HYDIN: variants seen among roughly 807,000 people sequenced by gnomAD.
HYDIN encodes the protein axonemal central pair apparatus protein HYDIN.
HYDIN carries 132 observed loss-of-function variants against 403.9 expected under a neutral mutation model. The ratio of observed to expected loss-of-function variants is 0.33; its 90% CI spans 0.28 to 0.38. The LOEUF is 0.38. Ranked by LOEUF, HYDIN falls within the 10% of genes least tolerant of loss-of-function variation. HYDIN has a pLI of 1.00. For synonymous variants in HYDIN, 1,202 were observed against 1,891.7 expected (o/e 0.64, Z 9.46); for missense variants, 2,827 against 5,009.5 (o/e 0.56, Z 13.15).
intron 8 of HYDIN, chr16:71,131,699 A>G (rs1451389055): frequency 6.7e-6 from 1 of 150,336 alleles, no homozygotes; most frequent in African/African-American, 2.5e-5. Context: ...CAGAAGGGTC[A>G]TTAGCATTAT....
At chr16:71,059,793 A>C (rs910150837) in intron 18 of HYDIN, among the ~76,000 whole-genome samples, 1 of 152,218 alleles carries the variant, frequency 6.6e-6, no homozygotes, top group Non-Finnish European at 1.5e-5. Flanking sequence ...AAGTTTAAAA[A>C]AAAGTTATAT....
In HYDIN at chr16:70,955,328, G is replaced by A. The variant is rs368366490; in HGVS notation, c.6316+47C>T. On this transcript the variant is annotated intron_variant, in intron 40 of 85. Transcript: ENST00000393567. ...CAGAGAAGATGGGTGTTGTCAGTGG[G>A]GGTGTTGGTGACTTGACCACAAAAA... The A allele has an allele frequency of 1.3e-5, 17 of 1,297,714 alleles. No homozygotes were observed. In the African/African-American group the frequency reaches 2.5e-4, roughly 19 times the overall value. 80.4% of individuals were successfully genotyped at this position (1,297,714 alleles called of 1,614,324 possible).
intron 23 of HYDIN, among the ~76,000 whole-genome samples, chr16:70,995,368 A>G (rs1381344608): frequency 6.6e-6 from 1 of 152,196 alleles, no homozygotes; most frequent in African/African-American, 2.4e-5. Flanking sequence ...CCGTATCAGA[A>G]TCATGGGAGA....
rs1405579346 is a variant in HYDIN, at chr16:70,805,062, A to G, written c.*2518T>C. On this transcript the variant is annotated 3_prime_UTR_variant, in exon 86 of 86. Transcript: ENST00000393567. ...GAAAAAGTACACCCTTTTGAAGAGTAGGGTGAGGGACCAATTGCTTCCCTT... is the reference window on the plus strand; with the variant it reads ...GAAAAAGTACACCCTTTTGAAGAGTGGGGTGAGGGACCAATTGCTTCCCTT... Among the ~76,000 whole-genome samples the G allele has an allele frequency of 1.3e-5, 2 of 152,248 alleles. No homozygotes were observed. The highest frequency in any genetic ancestry group is 1.3e-4 in the Admixed American group (2 of 15,292).
chr16:71,224,191 G>T (rs2040927679), intron 1 of HYDIN, among the ~76,000 whole-genome samples: 2 of 152,194 alleles, frequency 1.3e-5, no homozygotes, highest in African/African-American at 4.8e-5. Context: ...AGTAACCCAG[G>T]AGTGAAAAAC....
chr16:70,886,435 T>C (rs11865430), intron 58 of HYDIN, among the ~76,000 whole-genome samples: 5,246 of 151,706 alleles, frequency 0.035, 334 homozygotes, highest in African/African-American at 0.12. Context: ...TTTGCTTCCA[T>C]TGACAAACAT....
At chr16:71,088,649 A>G in intron 11 of HYDIN, 125 bp from the exon 12 acceptor site, 1 of 569,464 alleles carries the variant, frequency 1.8e-6, no homozygotes, top group Non-Finnish European at 3.2e-6. Context: ...AAAGAAGAAC[A>G]CTCAGGGACA....
chr16:71,078,996 C>T (rs1597726893), intron 13 of HYDIN, among the ~76,000 whole-genome samples: 1 of 152,166 alleles, frequency 6.6e-6, no homozygotes, highest in East Asian at 1.9e-4. Flanking sequence ...AAGTACTCAC[C>T]AATGGGATAT....
intron 41 of HYDIN, among the ~76,000 whole-genome samples, chr16:70,946,077 T>G: frequency 2.9e-5 from 4 of 139,858 alleles, no homozygotes; most frequent in African/African-American, 5.4e-5. Flanking sequence ...AGGGGGAAAG[T>G]GGGAGAGAGG....
In HYDIN at chr16:70,820,328, C is replaced by T. The variant is rs1276191321; in HGVS notation, c.14428-1756G>A. Among the ~76,000 whole-genome samples the T allele has an allele frequency of 1.1e-4, 17 of 150,628 alleles. No homozygotes were observed. In the East Asian group the frequency reaches 3.4e-3, roughly 30 times the overall value. On this transcript the variant is annotated intron_variant, in intron 83 of 85. Coordinates refer to ENST00000393567, the MANE Select transcript of HYDIN (RefSeq NM_001270974.2). ...GCTTCAGCCTCCCAAGTAGCTGGGA[C>T]TACAGGCACCCACCACCATGCCTGG... is the stretch of plus-strand genomic sequence containing the variant.
intron 19 of HYDIN, among the ~76,000 whole-genome samples, chr16:71,029,167 T>C (rs937353109): frequency 2.0e-5 from 3 of 152,010 alleles, no homozygotes; most frequent in Admixed American, 6.6e-5. Flanking sequence ...TATTTTAGGC[T>C]TTTTGGGCCA....
intron 37 of HYDIN, 60 bp downstream of exon 37, chr16:70,964,668 G>A (rs2078518734): frequency 1.4e-6 from 2 of 1,466,116 alleles, no homozygotes; most frequent in Non-Finnish European, 1.9e-6. Flanking sequence ...CAGAGCAGGG[G>A]TAATTCAGAG....
intron 84 of HYDIN, among the ~76,000 whole-genome samples, chr16:70,815,431 TA>T (rs1336911576): frequency 6.7e-6 from 1 of 148,978 alleles, no homozygotes; most frequent in Non-Finnish European, 1.5e-5. Flanking sequence ...CCCCTTCTCT[TA>T]AAATCTATCT....
At chr16:70,831,239 GT>G (rs2036961390) in intron 80 of HYDIN, among the ~76,000 whole-genome samples, 1 of 151,976 alleles carries the variant, frequency 6.6e-6, no homozygotes, top group South Asian at 2.1e-4. Context: ...GCCAGGCTTG[GT>G]GGCTCATGCC....
At chr16:71,137,090 T>C in intron 8 of HYDIN, 61 bp downstream of exon 8, 1 of 898,664 alleles carries the variant, frequency 1.1e-6, no homozygotes, top group Non-Finnish European at 1.8e-6. Context: ...TTTTTCATAA[T>C]AACTGAGTTT....
rs2144022514 is a variant in HYDIN at position 70,982,557 on chromosome 16, T to C, written c.4333-989A>G. The stretch of plus-strand genomic sequence containing the variant: ...CAAAAATTGTAAGTAAAATGTTAGC[T>C]GAGTGAATCCAGCAATATATATATA... On this transcript the variant is annotated intron_variant, in intron 28 of 85. Coordinates refer to ENST00000393567, the MANE Select transcript of HYDIN (RefSeq NM_001270974.2). Among the ~76,000 whole-genome samples, 4 of 98,064 alleles carry C rather than the reference T, an allele frequency of 4.1e-5. 1 individual carries two copies. Among genetic ancestry groups the C allele is most frequent in the Non-Finnish European group, 7.0e-5 (4 of 56,864 alleles). 64.3% of individuals were successfully genotyped at this position (98,064 alleles called of 152,430 possible).
At position 70,837,890 on chromosome 16, in the gene HYDIN, T is replaced by C. The variant is rs1295143241; in HGVS notation, c.13044-2A>G. 1.2e-6 allele frequency: 2 copies of C among 1,611,320 alleles called. No homozygotes were observed. Among genetic ancestry groups the C allele is most frequent in the Non-Finnish European group, 8.5e-7 (1 of 1,177,794 alleles). Reference sequence around the variant, plus strand: ...GTGTTGGTGTACAGACAATCTATGCTGCAGAAAATCAAGAGGAAGAGGCGT... The same window carrying C: ...GTGTTGGTGTACAGACAATCTATGCCGCAGAAAATCAAGAGGAAGAGGCGT... On this transcript the variant is annotated splice_acceptor_variant, in intron 76 of 85. Coordinates refer to ENST00000393567, the MANE Select transcript of HYDIN (RefSeq NM_001270974.2). LOFTEE classifies it high-confidence loss of function.
chr16:71,220,503 C>T (rs1169236872), intron 1 of HYDIN, among the ~76,000 whole-genome samples: 3 of 152,152 alleles, frequency 2.0e-5, no homozygotes, highest in East Asian at 1.9e-4. Context: ...GAATAAAATA[C>T]ACACTTCACA....
chr16:71,172,439 TATG>T lies in HYDIN; in HGVS notation c.516+3165_516+3167del, dbSNP rs1286919196. 3.0e-4 allele frequency among the ~76,000 whole-genome samples: 46 copies of T among 152,256 alleles called. 1 individual carries two copies. Among genetic ancestry groups the T allele is most frequent in the Admixed American group, 2.4e-3 (37 of 15,292 alleles). On this transcript the variant is annotated intron_variant, in intron 5 of 85. Transcript: ENST00000393567. ...GCTCTAGAATTTTATAGTGTTATTT[TATG>T]ATGACACTGGCTATCACATTTCTAC...
Sources: allele counts gnomAD v4.1 joint callset (sites outside exome capture counted in the v4.1 genomes callset), GRCh38; gene constraint gnomAD v4.1.1; transcripts MANE v1.5; gene names NCBI Gene and HGNC (gene_info 2026-07-23, HGNC 2026-07-21).